Variants in ADGB observed in about 807,000 individuals in gnomAD.
ADGB encodes the protein androglobin, also known as calpain-7-like protein.
ADGB carries 172 observed loss-of-function variants against 210.5 expected under a neutral mutation model. The ratio of observed to expected loss-of-function variants is 0.82; its 90% CI spans 0.72 to 0.93. ADGB has a LOEUF of 0.93. Among genes scored for constraint, ADGB ranks in the 40% least tolerant of loss-of-function variants. The pLI, the probability that ADGB is intolerant of heterozygous loss-of-function variation, is 0.00. For synonymous variants in ADGB, 658 were observed against 662.7 expected (o/e 0.99, Z 0.11); for missense variants, 2,025 against 1,964.8 (o/e 1.03, Z -0.58).
At chr6:146,690,342 C>A (rs9373505) in intron 10 of ADGB, among the ~76,000 whole-genome samples, 43,166 of 152,026 alleles carry the variant, frequency 0.28, 7,055 homozygotes, top group African/African-American at 0.46. Context: ...TTGACAAAAT[C>A]GGTCAAAATT....
intron 18 of ADGB, chr6:146,724,619 T>A (rs1194658774): frequency 1.1e-5 from 2 of 184,028 alleles, no homozygotes; most frequent in Non-Finnish European, 2.2e-5. Flanking sequence ...CTAAAATTAA[T>A]TTATAAATAT....
intron 19 of ADGB, among the ~76,000 whole-genome samples, chr6:146,727,007 T>G (rs1025210065): frequency 2.0e-5 from 3 of 152,042 alleles, no homozygotes; most frequent in African/African-American, 4.8e-5. Flanking sequence ...CTTGCTCTTC[T>G]GTTCTGACGG....
intron 3 of ADGB, among the ~76,000 whole-genome samples, chr6:146,652,673 A>C (rs1171015344): frequency 6.6e-6 from 1 of 152,170 alleles, no homozygotes; most frequent in African/African-American, 2.4e-5. Flanking sequence ...TGACCATTAA[A>C]ATAATTTTTT....
At chr6:146,670,743 C>T (rs777758848) in intron 7 of ADGB, among the ~76,000 whole-genome samples, 4 of 152,102 alleles carry the variant, frequency 2.6e-5, no homozygotes, top group Admixed American at 1.3e-4. Context: ...AATGTAGTGC[C>T]TTCTGTGTTT....
Position 146,664,320 on chromosome 6 carries a change from T to C in ADGB, c.732T>C (p.Ile244=), listed in dbSNP as rs750835410. The C allele has an allele frequency of 5.2e-6, 8 of 1,549,044 alleles. No homozygotes were observed. Among genetic ancestry groups the C allele is most frequent in the Non-Finnish European group, 7.0e-6 (8 of 1,145,776 alleles). ...ELWPMLLSKA[I]IKLANIDIHV... ...GGCCAATGCTTTTGTCTAAAGCTAT[T>C]ATCAAGCTGGCAAATATTGAGTATG... Residue 244 remains isoleucine (I), a synonymous_variant, in exon 6 of 36, where the codon ATT becomes ATC. Coordinates refer to ENST00000397944, the MANE Select transcript of ADGB (RefSeq NM_024694.4).
intron 13 of ADGB, among the ~76,000 whole-genome samples, chr6:146,703,533 G>A (rs1305819412): frequency 6.6e-6 from 1 of 151,634 alleles, no homozygotes; most frequent in Admixed American, 6.6e-5. Context: ...TCTAGCCCCT[G>A]GTAACTACCA....
chr6:146,797,366 G>T (rs1405320732), intron 33 of ADGB, among the ~76,000 whole-genome samples: 1 of 152,076 alleles, frequency 6.6e-6, no homozygotes, highest in African/African-American at 2.4e-5. Context: ...CAAAGGAAAA[G>T]AAGTCACTAT....
At chr6:146,703,709 T>G (rs1776526790) in intron 13 of ADGB, among the ~76,000 whole-genome samples, 1 of 151,982 alleles carries the variant, frequency 6.6e-6, no homozygotes, top group African/African-American at 2.4e-5. Flanking sequence ...CATCTGTGGA[T>G]GGACAATTAG....
At chr6:146,695,304 G>T (rs372894401) in intron 12 of ADGB, among the ~76,000 whole-genome samples, 1 of 151,970 alleles carries the variant, frequency 6.6e-6, no homozygotes, top group African/African-American at 2.4e-5. Flanking sequence ...AATTTTCTGG[G>T]TGTAATGAGT....
In ADGB at chr6:146,621,922, T is replaced by C. The variant is rs147665316; in HGVS notation, c.75-13453T>C. Among the ~76,000 whole-genome samples the C allele has an allele frequency of 6.3e-3, 961 of 152,270 alleles. 7 individuals carry two copies. Among genetic ancestry groups the C allele is most frequent in the African/African-American group, 0.022 (906 of 41,554 alleles). ...TTGAATTATCTAGGAGTAGAATGGC[T>C]ATATCATATGGTATTATATGTTTAA... On this transcript the variant is annotated intron_variant, in intron 1 of 35. Transcript: ENST00000397944.
At position 146,632,577 on chromosome 6, in the gene ADGB, G is replaced by A. The variant is rs372315078; in HGVS notation, c.75-2798G>A. Among the ~76,000 whole-genome samples, 173 of 152,266 alleles carry A rather than the reference G, an allele frequency of 1.1e-3. 4 individuals carry two copies. The South Asian group carries it at 0.022, about 19-fold the overall frequency. ...ATTCAGTGACTGCTTTCTTTTCTCAGTGTTCACAGTTATTTCCTCCTTATC... is the reference window on the plus strand; with the variant it reads ...ATTCAGTGACTGCTTTCTTTTCTCAATGTTCACAGTTATTTCCTCCTTATC... On this transcript the variant is annotated intron_variant, in intron 1 of 35. Transcript: ENST00000397944.
intron 26 of ADGB, among the ~76,000 whole-genome samples, chr6:146,748,448 G>A (rs1299203363): frequency 6.6e-6 from 1 of 152,118 alleles, no homozygotes; most frequent in African/African-American, 2.4e-5. Flanking sequence ...TGAGGCTGTG[G>A]GAGAGAACCT....
chr6:146,707,251 T>C (rs1776586593), intron 13 of ADGB, among the ~76,000 whole-genome samples: 1 of 152,190 alleles, frequency 6.6e-6, no homozygotes, highest in Non-Finnish European at 1.5e-5. Context: ...CTTTGTGGCC[T>C]AACATATGAA....
chr6:146,733,357 G>C (rs1777031571), intron 21 of ADGB, 102 bp downstream of exon 21: 2 of 1,194,322 alleles, frequency 1.7e-6, no homozygotes, highest in South Asian at 3.9e-5. Flanking sequence ...AAGTCTGTGT[G>C]GACTGTCATG....
At chr6:146,659,261 G>A (rs951324157) in intron 5 of ADGB, among the ~76,000 whole-genome samples, 1 of 152,044 alleles carries the variant, frequency 6.6e-6, no homozygotes, top group Non-Finnish European at 1.5e-5. Context: ...TGGGAAACAT[G>A]TTTATAAAAT....
chr6:146,791,652 A>G (rs1223198530), intron 33 of ADGB, among the ~76,000 whole-genome samples: 3 of 152,048 alleles, frequency 2.0e-5, no homozygotes, highest in Non-Finnish European at 4.4e-5. Flanking sequence ...GCTGATTCTT[A>G]TATAAGGGTC....
At position 146,815,219 on chromosome 6, in the gene ADGB, C is replaced by G. The variant is rs1285657535; in HGVS notation, c.*2C>G. Reference sequence around the variant, plus strand: ...AAAAAGAAAGGAAAGAAAAAGTAACCAGGGGATGTCCAATACTACCCTGCT... The same window carrying G: ...AAAAAGAAAGGAAAGAAAAAGTAACGAGGGGATGTCCAATACTACCCTGCT... On this transcript the variant is annotated 3_prime_UTR_variant, in exon 36 of 36. Transcript: ENST00000397944. The G allele has an allele frequency of 2.0e-6, 3 of 1,501,922 alleles. No individual in the cohort carries two copies. The highest frequency in any genetic ancestry group is 2.6e-6 in the Non-Finnish European group (3 of 1,132,752). The allele number at this position is 1,501,922 out of a possible 1,614,324, so 93.0% of individuals were successfully genotyped here.
chr6:146,645,508 C>T (rs1170472756), intron 3 of ADGB, among the ~76,000 whole-genome samples: 1 of 151,906 alleles, frequency 6.6e-6, no homozygotes, highest in Non-Finnish European at 1.5e-5. Flanking sequence ...TGACTAATGC[C>T]TTTTTTCTTC....
chr6:146,754,735 T>C (rs1459931904), intron 27 of ADGB, among the ~76,000 whole-genome samples: 1 of 152,060 alleles, frequency 6.6e-6, no homozygotes, highest in Non-Finnish European at 1.5e-5. Context: ...TTAGAAAGTG[T>C]AGATATATTT....
Sources: allele counts gnomAD v4.1 joint callset (sites outside exome capture counted in the v4.1 genomes callset), GRCh38; gene constraint gnomAD v4.1.1; transcripts MANE v1.5; gene names NCBI Gene and HGNC (gene_info 2026-07-23, HGNC 2026-07-21).